The following GAS2L3 variants were observed in gnomAD, a reference collection of about 807,000 sequenced individuals.
The protein encoded by GAS2L3 is growth arrest specific 2 like 3.
A neutral mutation model predicts 37.0 loss-of-function variants in GAS2L3; 28 were observed. That is an observed-to-expected ratio of 0.76 (90% CI 0.56 to 1.04). The LOEUF (loss-of-function observed/expected upper bound fraction) is 1.04, where lower values mean the gene tolerates loss of function less well. Ranked by LOEUF, GAS2L3 falls within the 50% of genes least tolerant of loss-of-function variation. The pLI is 0.00. For synonymous variants in GAS2L3, 290 were observed against 296.6 expected, an observed-to-expected ratio of 0.98 and a Z score of 0.23; for missense variants, 793 against 817.6, an observed-to-expected ratio of 0.97 and a Z score of 0.37.
chr12:100,579,330 C>A, intron 1 of GAS2L3: 2 of 667,712 alleles, frequency 3.0e-6, no homozygotes, highest in South Asian at 1.8e-5. Context: ...GTACTACGAG[C>A]GGCACTGATT....
chr12:100,576,326 A>T lies in GAS2L3; in HGVS notation c.-152+2541A>T, dbSNP rs142286623. Among the ~76,000 whole-genome samples, 376 of 152,276 alleles carry T rather than the reference A, an allele frequency of 2.5e-3. 2 individuals are homozygous for T. Among genetic ancestry groups the T allele is most frequent in the African/African-American group, 8.5e-3 (354 of 41,558 alleles). On this transcript the variant is annotated intron_variant, in intron 1 of 9. Coordinates refer to ENST00000547754, the MANE Select transcript of GAS2L3 (RefSeq NM_174942.3). ...GTTCAGTTATTTGGATAGATTACTA[A>T]AGAGCTTGCTGTTGATGATGAGGAA...
Position 100,591,719 on chromosome 12 carries a change from CATAT to C in GAS2L3, c.-151-16_-151-13del. The C allele has an allele frequency of 6.6e-6, 1 of 152,042 alleles. No individual in the cohort carries two copies. The highest frequency in any genetic ancestry group is 2.1e-4 in the South Asian group (1 of 4,822). 9.4% of individuals were successfully genotyped at this position (152,042 alleles called of 1,614,324 possible). ...ACAGCAGCCATAAGAAGGAAATGGT[CATAT>C]TTCATTTTACAGATCAGAACACTGA... is the stretch of plus-strand genomic sequence containing the variant. On this transcript the variant is annotated splice_polypyrimidine_tract_variant and intron_variant, in intron 1 of 9. Transcript: ENST00000547754.
intron 1 of GAS2L3, among the ~76,000 whole-genome samples, chr12:100,588,555 G>T (rs1462435862): frequency 2.6e-5 from 4 of 152,202 alleles, no homozygotes; most frequent in Non-Finnish European, 2.9e-5. Context: ...TGCAGGTATT[G>T]TCTTGATAAA....
chr12:100,600,370 T>C lies in GAS2L3; in HGVS notation c.19-12T>C, dbSNP rs1955970337. 1 of 1,544,670 alleles carries C rather than the reference T, an allele frequency of 6.5e-7. No homozygotes were observed. Among genetic ancestry groups the C allele is most frequent in the Non-Finnish European group, 8.7e-7 (1 of 1,145,118 alleles). Reference sequence around the variant, plus strand: ...TTTATTCATTCAGTTGATTGATTTTTTTTTTCTTTAGGTATGGTTTGGAGA... The same window carrying C: ...TTTATTCATTCAGTTGATTGATTTTCTTTTTCTTTAGGTATGGTTTGGAGA... On this transcript the variant is annotated splice_polypyrimidine_tract_variant and intron_variant, in intron 3 of 9. Coordinates refer to ENST00000547754, the MANE Select transcript of GAS2L3 (RefSeq NM_174942.3).
At chr12:100,618,927 T>C (rs1956220918) in intron 8 of GAS2L3, among the ~76,000 whole-genome samples, 1 of 152,046 alleles carries the variant, frequency 6.6e-6, no homozygotes, top group African/African-American at 2.4e-5. Context: ...TAAGGAATAT[T>C]CTCATGGTCT....
chr12:100,621,880 GGGGAGAGAGAGAGA>G (rs1339686610), intron 8 of GAS2L3, among the ~76,000 whole-genome samples: 9 of 97,638 alleles, frequency 9.2e-5, no homozygotes, highest in Non-Finnish European at 1.6e-4. Flanking sequence ...AGGGTGGGGG[GGGGAGAGAGAGAGA>G]GAGAGAGAGA....
intron 7 of GAS2L3, 122 bp from the exon 8 acceptor site, chr12:100,618,327 G>A: frequency 1.0e-6 from 1 of 962,190 alleles, no homozygotes; most frequent in East Asian, 2.6e-5. Flanking sequence ...AAATATCCCA[G>A]TGAAACAATT....
At position 100,627,965 on chromosome 12, in the gene GAS2L3, T is replaced by A. The variant is rs1751065424; in HGVS notation, c.*3075T>A. The A allele has an allele frequency of 6.6e-6, 1 of 152,230 alleles. No individual in the cohort carries two copies. The highest frequency in any genetic ancestry group is 1.5e-5 in the Non-Finnish European group (1 of 68,022). 9.4% of individuals were successfully genotyped at this position (152,230 alleles called of 1,614,324 possible). On this transcript the variant is annotated 3_prime_UTR_variant, in exon 10 of 10. Transcript: ENST00000547754. ...CTTGTTTGGGCTTAAAGTAGGTATT[T>A]AAGGTTTATGTGTTCAAAATGCCTT...
intron 1 of GAS2L3, among the ~76,000 whole-genome samples, chr12:100,586,308 C>T (rs1955780654): frequency 6.6e-6 from 1 of 152,136 alleles, no homozygotes; most frequent in Admixed American, 6.6e-5. Flanking sequence ...GAACTTTCTC[C>T]AAGATAGACC....
intron 1 of GAS2L3, among the ~76,000 whole-genome samples, chr12:100,574,390 T>C (rs575966993): frequency 2.0e-5 from 3 of 152,112 alleles, no homozygotes; most frequent in Non-Finnish European, 4.4e-5. Context: ...AACTGGGGAA[T>C]AGAGCTGGAG....
chr12:100,610,561 G>GA (rs1394849161), intron 5 of GAS2L3, among the ~76,000 whole-genome samples: 15 of 148,696 alleles, frequency 1.0e-4, no homozygotes, highest in South Asian at 4.2e-4. Context: ...ATTCAATGAG[G>GA]AAAAAAAAAC....
chr12:100,594,404 A>G (rs999797830), intron 2 of GAS2L3, among the ~76,000 whole-genome samples: 5 of 152,080 alleles, frequency 3.3e-5, no homozygotes, highest in African/African-American at 1.2e-4. Context: ...TATTAGCAGA[A>G]TAAGCTTATA....
intron 5 of GAS2L3, among the ~76,000 whole-genome samples, chr12:100,607,724 C>T (rs1215447287): frequency 6.6e-6 from 1 of 151,950 alleles, no homozygotes; most frequent in Non-Finnish European, 1.5e-5. Flanking sequence ...ATGCATTCTT[C>T]AGTATGTCAA....
At chr12:100,617,681 T>G (rs1956204027) in intron 6 of GAS2L3, 63 bp from the exon 7 acceptor site, 8 of 986,840 alleles carry the variant, frequency 8.1e-6, no homozygotes, top group African/African-American at 1.6e-5. Context: ...TCTTCTTCCA[T>G]GCCAGAAATA....
chr12:100,601,828 G>A (rs1272500218), intron 5 of GAS2L3, 75 bp downstream of exon 5: 2 of 684,230 alleles, frequency 2.9e-6, no homozygotes, highest in African/African-American at 3.7e-5. Flanking sequence ...ATCTCTAGAA[G>A]GTTGTAAACT....
intron 1 of GAS2L3, among the ~76,000 whole-genome samples, chr12:100,575,739 A>G (rs898815119): frequency 2.6e-5 from 4 of 151,932 alleles, no homozygotes; most frequent in African/African-American, 9.7e-5. Flanking sequence ...CGGCCTCCCA[A>G]AGCTCTGGGA....
At chr12:100,592,211 A>G (rs1955854910) in intron 2 of GAS2L3, among the ~76,000 whole-genome samples, 1 of 152,102 alleles carries the variant, frequency 6.6e-6, no homozygotes, top group South Asian at 2.1e-4. Flanking sequence ...CGCGATCTCA[A>G]CTTGATCCTA....
intron 7 of GAS2L3, among the ~76,000 whole-genome samples, chr12:100,618,085 G>A (rs1039101935): frequency 2.0e-5 from 3 of 152,092 alleles, no homozygotes; most frequent in East Asian, 3.9e-4. Flanking sequence ...GCAGTCTAAG[G>A]CAGTTCAAGT....
At chr12:100,617,311 G>A (rs559650903) in intron 6 of GAS2L3, among the ~76,000 whole-genome samples, 1 of 152,224 alleles carries the variant, frequency 6.6e-6, no homozygotes, top group South Asian at 2.1e-4. Context: ...TCAGGGTAAT[G>A]CTGTCATCCT....
Sources: gnomAD v4.1 joint callset for allele counts (sites outside exome capture counted in the v4.1 genomes callset) on GRCh38, gnomAD v4.1.1 for gene constraint, MANE v1.5 for transcripts, NCBI Gene and HGNC (gene_info 2026-07-23, HGNC 2026-07-21) for gene names.